The following PPARGC1A variants were observed in gnomAD, a reference collection of about 807,000 sequenced individuals.
PPARGC1A encodes PPARG coactivator 1 alpha.
PPARGC1A carries 25 observed loss-of-function variants against 88.7 expected under a neutral mutation model. That is an observed-to-expected ratio of 0.28 (90% CI 0.21 to 0.39). PPARGC1A has a LOEUF of 0.39. PPARGC1A is among the 10% of genes least tolerant of loss of function. The pLI is 1.00. For synonymous variants in PPARGC1A, 363 were observed against 355.6 expected, an observed-to-expected ratio of 1.02 and a Z score of -0.24; for missense variants, 880 against 968.7, an observed-to-expected ratio of 0.91 and a Z score of 1.22.
At chr4:23,807,455 G>A (rs1002756273) in intron 10 of PPARGC1A, among the ~76,000 whole-genome samples, 4 of 152,112 alleles carry the variant, frequency 2.6e-5, no homozygotes, top group African/African-American at 9.7e-5. Context: ...AATAAGTCCA[G>A]GTTAGTCTAT....
chr4:23,884,300 A>C (rs1457917456), intron 2 of PPARGC1A: 1 of 163,848 alleles, frequency 6.1e-6, no homozygotes, highest in African/African-American at 2.4e-5. Context: ...ATAATAATCA[A>C]AAGAGCTCAC....
the PPARGC1A span, among the ~76,000 whole-genome samples, chr4:24,244,972 A>G: frequency 3.3e-5 from 5 of 152,184 alleles, no homozygotes; most frequent in African/African-American, 1.2e-4. Flanking sequence ...TGTTCTTTTT[A>G]AGAATGGAGA....
chr4:23,970,720 C>CA, the PPARGC1A span, among the ~76,000 whole-genome samples: 1 of 152,218 alleles, frequency 6.6e-6, no homozygotes, highest in African/African-American at 2.4e-5. Flanking sequence ...AGCTAAGGGA[C>CA]TTCAGGTCAC....
chr4:24,327,218 A>C, the PPARGC1A span, among the ~76,000 whole-genome samples: 2 of 152,212 alleles, frequency 1.3e-5, no homozygotes, highest in South Asian at 4.1e-4. Context: ...ATTAGGCCCC[A>C]GTCTCATTCC....
At chr4:24,032,621 C>T in the PPARGC1A span, among the ~76,000 whole-genome samples, 1 of 152,222 alleles carries the variant, frequency 6.6e-6, no homozygotes, top group Non-Finnish European at 1.5e-5. Context: ...TCTAATCCAA[C>T]AAGTATTTGC....
chr4:24,052,684 T>C, the PPARGC1A span, among the ~76,000 whole-genome samples: 2 of 150,602 alleles, frequency 1.3e-5, no homozygotes, highest in African/African-American at 4.9e-5. Context: ...ACATTTCCAG[T>C]GCTCTCATTT....
At chr4:23,996,101 T>C in the PPARGC1A span, among the ~76,000 whole-genome samples, 1 of 152,106 alleles carries the variant, frequency 6.6e-6, no homozygotes, top group African/African-American at 2.4e-5. Context: ...TGCCCAGACA[T>C]TGTAGCTTGT....
the PPARGC1A span, among the ~76,000 whole-genome samples, chr4:24,400,624 T>C: frequency 2.7e-4 from 41 of 152,228 alleles, 1 homozygote; most frequent in Non-Finnish European, 8.8e-5. Flanking sequence ...CCCTGTGTTG[T>C]AACTATTGCC....
chr4:24,424,306 C>T, the PPARGC1A span, among the ~76,000 whole-genome samples: 6 of 105,418 alleles, frequency 5.7e-5, no homozygotes, highest in African/African-American at 3.9e-5. Context: ...GACAGAGTCT[C>T]GCTCTGTCGC....
At chr4:24,160,877 A>C in the PPARGC1A span, among the ~76,000 whole-genome samples, 2 of 152,156 alleles carry the variant, frequency 1.3e-5, no homozygotes, top group Admixed American at 6.5e-5. Flanking sequence ...AAACACTCAA[A>C]CTATGGCTAC....
chr4:23,836,210 T>C (rs1321826779), intron 2 of PPARGC1A, among the ~76,000 whole-genome samples: 1 of 152,162 alleles, frequency 6.6e-6, no homozygotes, highest in African/African-American at 2.4e-5. Context: ...AATTAGACAG[T>C]GATCTACAGC....
chr4:24,053,819 T>C, the PPARGC1A span, among the ~76,000 whole-genome samples: 1 of 152,186 alleles, frequency 6.6e-6, no homozygotes. Flanking sequence ...AAATTTCTCA[T>C]TAAACCACGA....
At chr4:23,828,288 C>T in intron 5 of PPARGC1A, 112 bp downstream of exon 5, 2 of 1,126,024 alleles carry the variant, frequency 1.8e-6, no homozygotes, top group Non-Finnish European at 2.6e-6. Flanking sequence ...TCTCTTTCCA[C>T]AGAGTGACGC....
chr4:24,233,464 A>G, the PPARGC1A span, among the ~76,000 whole-genome samples: 2 of 152,028 alleles, frequency 1.3e-5, no homozygotes, highest in African/African-American at 4.8e-5. Context: ...GCAGCCAAAC[A>G]CCAAATAAGT....
chr4:24,217,542 T>A, the PPARGC1A span, among the ~76,000 whole-genome samples: 1 of 152,038 alleles, frequency 6.6e-6, no homozygotes, highest in Non-Finnish European at 1.5e-5. Context: ...GGGGCTTATG[T>A]CTGTAATCCC....
chr4:24,047,611 C>T, the PPARGC1A span, among the ~76,000 whole-genome samples: 1 of 152,148 alleles, frequency 6.6e-6, no homozygotes, highest in Non-Finnish European at 1.5e-5. Context: ...GATTGGAACC[C>T]GGGCAGACAG....
At chr4:24,201,046 A>G in the PPARGC1A span, among the ~76,000 whole-genome samples, 3 of 152,018 alleles carry the variant, frequency 2.0e-5, no homozygotes, top group African/African-American at 7.2e-5. Flanking sequence ...AAAAGACAAG[A>G]CTCCCTACTT....
chr4:24,038,543 C>T, the PPARGC1A span, among the ~76,000 whole-genome samples: 1 of 152,120 alleles, frequency 6.6e-6, no homozygotes, highest in South Asian at 2.1e-4. Flanking sequence ...CCTGCAAATT[C>T]GAATTCTCTC....
At chr4:23,873,888 G>A (rs780666809) in intron 2 of PPARGC1A, among the ~76,000 whole-genome samples, 10 of 152,206 alleles carry the variant, frequency 6.6e-5, no homozygotes, top group South Asian at 2.1e-4. Flanking sequence ...AAATGATACC[G>A]TTAGATGACA....
Sources: gnomAD v4.1 joint callset for allele counts (sites outside exome capture counted in the v4.1 genomes callset) on GRCh38, gnomAD v4.1.1 for gene constraint, MANE v1.5 for transcripts, NCBI Gene and HGNC (gene_info 2026-07-23, HGNC 2026-07-21) for gene names.